GALNT2: variants seen among roughly 807,000 people sequenced by gnomAD.
GALNT2 encodes polypeptide N-acetylgalactosaminyltransferase 2, also known as UDP-GalNAc:polypeptide N-acetylgalactosaminyltransferase 2.
A neutral mutation model predicts 81.4 loss-of-function variants in GALNT2; 31 were observed. The ratio of observed to expected loss-of-function variants is 0.38; its 90% confidence interval spans 0.29 to 0.51. GALNT2 has a LOEUF of 0.51. Ranked by LOEUF, GALNT2 falls within the 20% of genes least tolerant of loss-of-function variation. The probability of loss-of-function intolerance (pLI) is 0.87; values close to 1 mark genes in which losing one functional copy is unlikely to be tolerated. For missense variants in GALNT2, 629 were observed against 765.7 expected, an observed-to-expected ratio of 0.82 and a Z score of 2.11; for synonymous variants, 303 against 287.4, an observed-to-expected ratio of 1.05 and a Z score of -0.55.
chr1:230,269,931 G>A (rs1666126649), intron 14 of GALNT2, among the ~76,000 whole-genome samples: 1 of 152,124 alleles, frequency 6.6e-6, no homozygotes, highest in East Asian at 1.9e-4. Context: ...GCCGGGCACG[G>A]TGGCTCACGC....
intron 1 of GALNT2, among the ~76,000 whole-genome samples, chr1:230,163,469 A>G (rs970235208): frequency 6.6e-6 from 1 of 152,208 alleles, no homozygotes; most frequent in Non-Finnish European, 1.5e-5. Flanking sequence ...GTAACTTCTC[A>G]GGCGGTTGTG....
upstream of GALNT2, among the ~76,000 whole-genome samples, chr1:230,064,141 A>C (rs1659110550): frequency 6.6e-6 from 1 of 152,114 alleles, no homozygotes; most frequent in Non-Finnish European, 1.5e-5. Flanking sequence ...TTTTGTTTCT[A>C]ACCTTTTAAC....
At chr1:230,062,489 A>G (rs1027174841), upstream of GALNT2, among the ~76,000 whole-genome samples, 1 of 152,220 alleles carries the variant, frequency 6.6e-6, no homozygotes. Flanking sequence ...CTCCGAACTC[A>G]TAAATAATAA....
At chr1:230,191,588 T>A (rs1198780278) in intron 2 of GALNT2, among the ~76,000 whole-genome samples, 1 of 152,238 alleles carries the variant, frequency 6.6e-6, no homozygotes, top group East Asian at 1.9e-4. Context: ...CATAGCTCAC[T>A]GCAGCCTCAA....
At chr1:230,220,085 T>C (rs1664501050) in intron 3 of GALNT2, among the ~76,000 whole-genome samples, 2 of 152,142 alleles carry the variant, frequency 1.3e-5, no homozygotes, top group Admixed American at 1.3e-4. Flanking sequence ...ACACAATTTG[T>C]GAAATAATGT....
At chr1:230,159,316 C>G (rs1238668499) in intron 1 of GALNT2, among the ~76,000 whole-genome samples, 1 of 131,900 alleles carries the variant, frequency 7.6e-6, no homozygotes, top group Non-Finnish European at 1.8e-5. Context: ...GCAAAGCCTT[C>G]TACTGCTTTT....
Position 230,275,791 on chromosome 1 carries a change from A to G in GALNT2, c.1560+1227A>G, listed in dbSNP as rs2102783284. ...ATACACCACAGATATATACATATAT[A>G]TACATGCCACATATATATACAAATA... is the stretch of plus-strand genomic sequence containing the variant. On this transcript the variant is annotated intron_variant, in intron 15 of 15. Coordinates refer to ENST00000366672, the MANE Select transcript of GALNT2 (RefSeq NM_004481.5). The surrounding 1 kb of genome is among the most constrained non-coding windows in gnomAD (Gnocchi z 5.5). Among the ~76,000 whole-genome samples, 1 of 151,638 alleles carries G rather than the reference A, an allele frequency of 6.6e-6. No homozygotes were observed. Among genetic ancestry groups the G allele is most frequent in the East Asian group, 1.9e-4 (1 of 5,176 alleles).
At chr1:230,138,896 C>T (rs1661639413) in intron 1 of GALNT2, among the ~76,000 whole-genome samples, 1 of 152,158 alleles carries the variant, frequency 6.6e-6, no homozygotes, top group Non-Finnish European at 1.5e-5. Flanking sequence ...TCACTGCATC[C>T]TGTTTTGTTT....
chr1:230,072,363 G>C (rs1447598715), intron 1 of GALNT2, among the ~76,000 whole-genome samples: 1 of 151,258 alleles, frequency 6.6e-6, no homozygotes, highest in Non-Finnish European at 1.5e-5. Flanking sequence ...GTGGTGGGGC[G>C]GGGGTGGCGG....
At chr1:230,148,967 A>G (rs1256686616) in intron 1 of GALNT2, among the ~76,000 whole-genome samples, 2 of 151,234 alleles carry the variant, frequency 1.3e-5, no homozygotes, top group Non-Finnish European at 2.9e-5. Flanking sequence ...TGCAGCCTTG[A>G]CCTCCTGGGC....
chr1:230,163,525 A>T (rs187301085), intron 1 of GALNT2, among the ~76,000 whole-genome samples: 7 of 152,358 alleles, frequency 4.6e-5, no homozygotes, highest in Admixed American at 4.6e-4. Context: ...TGTGTCAGAC[A>T]CTGCTAGCAT....
At chr1:230,059,106 T>C (rs762308233) in intron 1 of GALNT2, among the ~76,000 whole-genome samples, 32 of 152,166 alleles carry the variant, frequency 2.1e-4, no homozygotes, top group Non-Finnish European at 3.2e-4. Context: ...TAAAGTATTT[T>C]AGAAAAAAGG....
chr1:230,197,098 T>C (rs1663718675), intron 2 of GALNT2, among the ~76,000 whole-genome samples: 1 of 152,028 alleles, frequency 6.6e-6, no homozygotes, highest in African/African-American at 2.4e-5. Flanking sequence ...AGAGCAAGCC[T>C]CTCTTCCTCC....
chr1:230,184,261 T>C (rs1437325752), intron 2 of GALNT2, among the ~76,000 whole-genome samples: 2 of 151,334 alleles, frequency 1.3e-5, no homozygotes, highest in Non-Finnish European at 2.9e-5. Flanking sequence ...CTATCTCAGC[T>C]CACTGCAAGC....
At chr1:230,130,846 G>C (rs1198498418) in intron 1 of GALNT2, among the ~76,000 whole-genome samples, 1 of 152,162 alleles carries the variant, frequency 6.6e-6, no homozygotes, top group Non-Finnish European at 1.5e-5. Flanking sequence ...CGGGATGAAA[G>C]CTGAGTGGGC....
In GALNT2 at chr1:230,148,964, T is replaced by G. The variant is rs1166118611; in HGVS notation, c.127-29254T>G. 2.0e-5 allele frequency among the ~76,000 whole-genome samples: 3 copies of G among 152,130 alleles called. No homozygotes were observed. The East Asian group carries it at 5.8e-4, about 29-fold the overall frequency. ...GGAGTGATCACAGCTCATTGCAGCC[T>G]TGACCTCCTGGGCTCAAATGATTCT... On this transcript the variant is annotated intron_variant, in intron 1 of 15. Coordinates refer to ENST00000366672, the MANE Select transcript of GALNT2 (RefSeq NM_004481.5).
intron 10 of GALNT2, among the ~76,000 whole-genome samples, chr1:230,253,646 A>G (rs975703347): frequency 6.6e-6 from 1 of 152,232 alleles, no homozygotes; most frequent in African/African-American, 2.4e-5. Flanking sequence ...GGAAATTAGC[A>G]TATCCATCAT....
intron 14 of GALNT2, among the ~76,000 whole-genome samples, chr1:230,272,345 G>A (rs978690163): frequency 2.0e-5 from 3 of 152,138 alleles, no homozygotes; most frequent in Admixed American, 6.5e-5. Context: ...CCTCCATGCC[G>A]TGTTTGGAAT....
intron 3 of GALNT2, among the ~76,000 whole-genome samples, chr1:230,218,118 C>G (rs180898817): frequency 4.5e-4 from 69 of 152,256 alleles, no homozygotes; most frequent in African/African-American, 1.6e-3. Context: ...GTGATCCAGC[C>G]AAGATGACAG....
Sources: allele counts gnomAD v4.1 joint callset (sites outside exome capture counted in the v4.1 genomes callset), GRCh38; gene constraint gnomAD v4.1.1; non-coding constraint Gnocchi (gnomAD v3.1); transcripts MANE v1.5; gene names NCBI Gene and HGNC (gene_info 2026-07-23, HGNC 2026-07-21).